The following ASIC2 variants were observed in gnomAD, a reference collection of about 807,000 sequenced individuals.
The protein encoded by ASIC2 is acid-sensing ion channel 2.
Under a neutral mutation model 57.3 loss-of-function variants are expected in ASIC2, and 25 were observed. The ratio of observed to expected loss-of-function variants is 0.44; its 90% CI spans 0.32 to 0.61. ASIC2 has a LOEUF of 0.61. Among genes scored for constraint, ASIC2 ranks in the 20% least tolerant of loss-of-function variants. The pLI is 0.06. For synonymous variants in ASIC2, 319 were observed against 307.5 expected (o/e 1.04, Z -0.39); for missense variants, 641 against 738.1 (o/e 0.87, Z 1.52).
intron 1 of ASIC2, chr17:34,038,125 C>A: frequency 1.2e-6 from 2 of 1,612,792 alleles, no homozygotes; most frequent in Non-Finnish European, 1.7e-6. Context: ...TCTCTCCACA[C>A]CCTGTACCAT....
intron 1 of ASIC2, among the ~76,000 whole-genome samples, chr17:33,579,626 A>ACGC (rs1904336199): frequency 6.6e-6 from 1 of 152,156 alleles, no homozygotes; most frequent in African/African-American, 2.4e-5. Context: ...TCAGGTGTTC[A>ACGC]GCTGCGTCTG....
intron 1 of ASIC2, among the ~76,000 whole-genome samples, chr17:33,740,260 G>A (rs1565509): frequency 0.34 from 51,903 of 152,208 alleles, 10,747 homozygotes; most frequent in Non-Finnish European, 0.48. Context: ...GTATTAGTGC[G>A]TTCTCACACT....
chr17:33,435,173 G>A (rs1326809467), intron 1 of ASIC2, among the ~76,000 whole-genome samples: 2 of 152,158 alleles, frequency 1.3e-5, no homozygotes, highest in African/African-American at 4.8e-5. Context: ...TCTGTTTGCT[G>A]AAAAGGCCTA....
chr17:33,555,820 G>A (rs1004685772), intron 1 of ASIC2, among the ~76,000 whole-genome samples: 19 of 152,048 alleles, frequency 1.2e-4, no homozygotes, highest in Non-Finnish European at 4.4e-5. Flanking sequence ...GGTTTGAGCC[G>A]GTTTAAGTAC....
chr17:34,111,934 A>G (rs1911288766), intron 1 of ASIC2, among the ~76,000 whole-genome samples: 1 of 152,212 alleles, frequency 6.6e-6, no homozygotes, highest in Non-Finnish European at 1.5e-5. Flanking sequence ...TATTAAGTCA[A>G]GATAATAGAA....
rs188135546 is a variant in ASIC2, at chr17:33,690,773, G to A, written c.555+465205C>T. ...TTTTTTTTTTTTTTTTTTTTGAGAC[G>A]GAGTCTTGCTCTGTCACCCAGACTG... On this transcript the variant is annotated intron_variant, in intron 1 of 9. Coordinates refer to the ASIC2 transcript ENST00000359872. 5.1e-3 allele frequency among the ~76,000 whole-genome samples: 650 copies of A among 128,574 alleles called. 8 individuals carry two copies. The highest frequency in any genetic ancestry group is 6.8e-3 in the Non-Finnish European group (421 of 62,242). The allele number at this position is 128,574 out of a possible 152,430, so 84.3% of individuals were successfully genotyped here. A position where few individuals can be genotyped will look rare whatever the true frequency, so the allele number is the denominator to read the frequency against.
intron 1 of ASIC2, among the ~76,000 whole-genome samples, chr17:33,832,127 A>G (rs560543089): frequency 6.6e-6 from 1 of 152,354 alleles, no homozygotes; most frequent in Admixed American, 6.5e-5. Context: ...CTCTAGCCTT[A>G]AAAGAGGAGG....
intron 1 of ASIC2, among the ~76,000 whole-genome samples, chr17:33,557,548 G>A (rs1254487097): frequency 6.6e-6 from 1 of 152,206 alleles, no homozygotes; most frequent in Non-Finnish European, 1.5e-5. Context: ...GAATACTAAA[G>A]AGGAACCATT....
chr17:33,137,635 G>A (rs1375358531), intron 1 of ASIC2, among the ~76,000 whole-genome samples: 2 of 152,208 alleles, frequency 1.3e-5, no homozygotes, highest in Non-Finnish European at 2.9e-5. Context: ...CTCTTGGAGT[G>A]TTGCCATCCC....
In ASIC2 at chr17:33,046,056, T is replaced by TCCCTGTA. The variant is rs1219271979; in HGVS notation, c.988-17671_988-17665dup. ...CAGGCGCAGCCGTGAATTGTTTGTT[T>TCCCTGTA]CCCTGTACTGTGGTGTCATCTGGGG... On this transcript the variant is annotated intron_variant, in intron 3 of 9. Coordinates refer to ENST00000225823, the MANE Select transcript of ASIC2 (RefSeq NM_183377.2). Among the ~76,000 whole-genome samples, 10 of 152,342 alleles carry TCCCTGTA rather than the reference T, an allele frequency of 6.6e-5. No individual in the cohort carries two copies. The East Asian group carries it at 1.9e-3, about 29-fold the overall frequency.
chr17:33,242,340 T>C (rs1471898064), intron 1 of ASIC2, among the ~76,000 whole-genome samples: 1 of 151,746 alleles, frequency 6.6e-6, no homozygotes, highest in Non-Finnish European at 1.5e-5. Context: ...AGATTTATTC[T>C]CTCTTCAATG....
At chr17:33,705,987 G>A (rs1406041343) in intron 1 of ASIC2, among the ~76,000 whole-genome samples, 1 of 152,070 alleles carries the variant, frequency 6.6e-6, no homozygotes, top group Non-Finnish European at 1.5e-5. Flanking sequence ...TGAAGTGCAT[G>A]TATACGTTAT....
At position 33,877,483 on chromosome 17, in the gene ASIC2, G is replaced by C. The variant is rs1002748717; in HGVS notation, c.555+278495C>G. ...ACCAGGAGATTATAACCCATTCCTG[G>C]CTCGGAGGGTCCTACGCCCATGCAG... is the stretch of plus-strand genomic sequence containing the variant. On this transcript the variant is annotated intron_variant, in intron 1 of 9. Transcript: ENST00000359872. 1.1e-4 allele frequency among the ~76,000 whole-genome samples: 17 copies of C among 152,320 alleles called. No homozygotes were observed. In the East Asian group the frequency reaches 3.3e-3, roughly 29 times the overall value.
At chr17:33,256,485 T>C (rs1909079968) in intron 1 of ASIC2, among the ~76,000 whole-genome samples, 1 of 152,224 alleles carries the variant, frequency 6.6e-6, no homozygotes, top group Non-Finnish European at 1.5e-5. Flanking sequence ...ACCATGTGCA[T>C]GTATGACTTT....
At chr17:33,484,330 G>C (rs1388977619) in intron 1 of ASIC2, among the ~76,000 whole-genome samples, 1 of 152,158 alleles carries the variant, frequency 6.6e-6, no homozygotes, top group Non-Finnish European at 1.5e-5. Context: ...GCCACACTCT[G>C]GGAGATGCCC....
chr17:33,418,423 T>A (rs1248573232), intron 1 of ASIC2, among the ~76,000 whole-genome samples: 1 of 152,226 alleles, frequency 6.6e-6, no homozygotes, highest in African/African-American at 2.4e-5. Context: ...TTTTGGTGTT[T>A]TAGTCGTGAA....
At chr17:33,167,145 C>T (rs1359008599) in intron 1 of ASIC2, among the ~76,000 whole-genome samples, 2 of 152,202 alleles carry the variant, frequency 1.3e-5, no homozygotes, top group African/African-American at 2.4e-5. Context: ...CAGACCAACA[C>T]ATGACACTCA....
intron 1 of ASIC2, among the ~76,000 whole-genome samples, chr17:33,211,144 A>T (rs1487370148): frequency 6.6e-6 from 1 of 152,118 alleles, no homozygotes; most frequent in Non-Finnish European, 1.5e-5. Context: ...TCCAGGGGTG[A>T]CGGATAGCAT....
chr17:33,540,886 C>T (rs567342381), intron 1 of ASIC2, among the ~76,000 whole-genome samples: 2 of 152,344 alleles, frequency 1.3e-5, no homozygotes, highest in South Asian at 2.1e-4. Context: ...GCTTTTCACA[C>T]ATTTCACATC....
Sources: gnomAD v4.1 joint callset for allele counts (sites outside exome capture counted in the v4.1 genomes callset) on GRCh38, gnomAD v4.1.1 for gene constraint, MANE v1.5 for transcripts, NCBI Gene and HGNC (gene_info 2026-07-23, HGNC 2026-07-21) for gene names.